The following PLSCR4 variants were observed in gnomAD, a reference collection of about 807,000 sequenced individuals.
PLSCR4 encodes phospholipid scramblase 4.
In PLSCR4, 25 loss-of-function variants were observed where a neutral mutation model predicts 36.3. The ratio of observed to expected loss-of-function variants is 0.69; its 90% confidence interval spans 0.50 to 0.96. PLSCR4 has a LOEUF of 0.96. Ranked by LOEUF, PLSCR4 falls within the 40% of genes least tolerant of loss-of-function variation. PLSCR4 has a pLI of 0.00. For missense variants in PLSCR4, 408 were observed against 414.7 expected (o/e 0.98, Z 0.14); for synonymous variants, 122 against 132.9 (o/e 0.92, Z 0.56).
intron 1 of PLSCR4, among the ~76,000 whole-genome samples, chr3:146,238,477 G>A (rs2107842037): frequency 6.6e-6 from 1 of 151,846 alleles, no homozygotes; most frequent in East Asian, 1.9e-4. Context: ...TAATAAAATG[G>A]TTTATCAAAC....
At chr3:146,233,220 G>A (rs920616598) in intron 1 of PLSCR4, among the ~76,000 whole-genome samples, 50 of 151,370 alleles carry the variant, frequency 3.3e-4, no homozygotes, top group African/African-American at 1.1e-3. Flanking sequence ...TAATTCTCTC[G>A]GCCACATACT....
At chr3:146,212,262 G>A (rs1422384137) in intron 3 of PLSCR4, among the ~76,000 whole-genome samples, 1 of 151,540 alleles carries the variant, frequency 6.6e-6, no homozygotes, top group African/African-American at 2.4e-5. Context: ...TTACTTCTGG[G>A]TATGTTATTT....
chr3:146,245,472 C>A (rs1315560717), intron 1 of PLSCR4, among the ~76,000 whole-genome samples: 1 of 151,918 alleles, frequency 6.6e-6, no homozygotes, highest in East Asian at 1.9e-4. Context: ...CTCATTTTCA[C>A]AGAAGGAATG....
At chr3:146,240,299 AT>A (rs1385307822) in intron 1 of PLSCR4, among the ~76,000 whole-genome samples, 1 of 152,164 alleles carries the variant, frequency 6.6e-6, no homozygotes, top group Non-Finnish European at 1.5e-5. Context: ...ATTAAAAAAA[AT>A]GCGGATCAAA....
chr3:146,231,768 G>C (rs1204251411), intron 1 of PLSCR4, among the ~76,000 whole-genome samples: 1 of 152,120 alleles, frequency 6.6e-6, no homozygotes, highest in African/African-American at 2.4e-5. Context: ...ACCTTTGTCA[G>C]ATGTGCAGTT....
Position 146,199,905 on chromosome 3 carries a change from C to T in PLSCR4, c.532G>A (p.Val178Ile). The stretch of plus-strand genomic sequence containing the variant: ...ATTTCTCGGCCCATACAATCAGTGA[C>T]CCGGAGGACGAAGGGCCTTAGTGTC... ...YRTLRPFVLR[V>I]TDCMGREIMT... The change falls in exon 6 of 9, where the codon GTC (valine) becomes ATC (isoleucine). Residue 178 changes from valine to isoleucine, a missense_variant. Transcript: ENST00000354952. 6.2e-7 allele frequency: 1 copy of T among 1,613,518 alleles called. No individual in the cohort carries two copies. The highest frequency in any genetic ancestry group is 1.3e-5 in the African/African-American group (1 of 74,964).
At chr3:146,242,027 G>A (rs1389000904) in intron 1 of PLSCR4, among the ~76,000 whole-genome samples, 2 of 152,154 alleles carry the variant, frequency 1.3e-5, no homozygotes, top group African/African-American at 2.4e-5. Flanking sequence ...AGCCAATGAT[G>A]GTAGTGGAGC....
intron 4 of PLSCR4, among the ~76,000 whole-genome samples, chr3:146,204,981 G>C (rs1178215823): frequency 6.6e-6 from 1 of 151,778 alleles, no homozygotes; most frequent in Non-Finnish European, 1.5e-5. Flanking sequence ...CAACTGTATT[G>C]ACTTCTATAC....
intron 1 of PLSCR4, among the ~76,000 whole-genome samples, chr3:146,222,825 G>C (rs866740681): frequency 6.6e-6 from 1 of 152,180 alleles, no homozygotes; most frequent in Non-Finnish European, 1.5e-5. Context: ...GGAGCAGTGA[G>C]GGATGGCAGC....
intron 4 of PLSCR4, among the ~76,000 whole-genome samples, chr3:146,202,457 T>G (rs932047201): frequency 1.2e-4 from 18 of 152,086 alleles, no homozygotes; most frequent in African/African-American, 4.3e-4. Context: ...TTTAAAAAAC[T>G]TTATTGCTAA....
rs1273573593 is a variant in PLSCR4 at position 146,214,323 on chromosome 3, GTT to G, written c.118+6490_118+6491del. On this transcript the variant is annotated intron_variant, in intron 3 of 8. Transcript: ENST00000354952. The stretch of plus-strand genomic sequence containing the variant: ...TTTTTAGTAGAGACGGGGTTTCACC[GTT>G]TTTTAGCCGGGATGGTCTCGATCTC... Among the ~76,000 whole-genome samples, 4 of 21,178 alleles carry G rather than the reference GTT, an allele frequency of 1.9e-4. 1 individual carries two copies. The highest frequency in any genetic ancestry group is 4.8e-4 in the Non-Finnish European group (4 of 8,408). 13.9% of individuals were successfully genotyped at this position (21,178 alleles called of 152,430 possible). A position where few individuals can be genotyped will look rare whatever the true frequency, so the allele number is the denominator to read the frequency against.
chr3:146,243,951 G>A (rs2036250714), intron 1 of PLSCR4, among the ~76,000 whole-genome samples: 1 of 152,086 alleles, frequency 6.6e-6, no homozygotes, highest in African/African-American at 2.4e-5. Context: ...TTGCTTATTG[G>A]TGGCTTTCCG....
chr3:146,195,340 T>C (rs1055417231), intron 7 of PLSCR4, 58 bp from the exon 8 acceptor site: 40 of 1,334,678 alleles, frequency 3.0e-5, no homozygotes, highest in Non-Finnish European at 4.0e-5. Context: ...CATGTTTTAA[T>C]GTTCTGCTTA....
rs968793419 is a variant in PLSCR4 at position 146,222,058 on chromosome 3, AACTT to A, written c.7+3_7+6del. 1.6e-6 allele frequency: 2 copies of A among 1,252,666 alleles called. No individual in the cohort carries two copies. Among genetic ancestry groups the A allele is most frequent in the African/African-American group, 3.1e-5 (2 of 63,984 alleles). 77.6% of individuals were successfully genotyped at this position (1,252,666 alleles called of 1,614,324 possible). A position where few individuals can be genotyped will look rare whatever the true frequency, so the allele number is the denominator to read the frequency against. On this transcript the variant is annotated splice_donor_5th_base_variant and intron_variant, in intron 2 of 8. Coordinates refer to ENST00000354952, the MANE Select transcript of PLSCR4 (RefSeq NM_020353.3). ...AAGCATATTCAAATTTATTCACAAA[AACTT>A]ACCTGACATTTTGAAGAATTCCAAT...
At chr3:146,238,028 A>G (rs2035990225) in intron 1 of PLSCR4, among the ~76,000 whole-genome samples, 1 of 151,874 alleles carries the variant, frequency 6.6e-6, no homozygotes, top group African/African-American at 2.4e-5. Flanking sequence ...CCTTACATTG[A>G]AAAGAAAAAA....
At chr3:146,198,233 C>T (rs1448162015) in intron 6 of PLSCR4, among the ~76,000 whole-genome samples, 1 of 152,050 alleles carries the variant, frequency 6.6e-6, no homozygotes, top group African/African-American at 2.4e-5. Flanking sequence ...GATGATGGAA[C>T]TGTTTGGGAT....
chr3:146,239,162 A>G (rs1184924129), intron 1 of PLSCR4, among the ~76,000 whole-genome samples: 5 of 152,222 alleles, frequency 3.3e-5, no homozygotes, highest in African/African-American at 7.2e-5. Context: ...CCCCAAATTT[A>G]TCTACAGATG....
chr3:146,234,373 A>C (rs1288580879), intron 1 of PLSCR4, among the ~76,000 whole-genome samples: 1 of 152,110 alleles, frequency 6.6e-6, no homozygotes, highest in East Asian at 1.9e-4. Flanking sequence ...GTTTTTAAAA[A>C]ATTTTTTTTA....
chr3:146,218,839 G>A (rs1019875161), intron 3 of PLSCR4, among the ~76,000 whole-genome samples: 4 of 152,058 alleles, frequency 2.6e-5, no homozygotes, highest in Non-Finnish European at 4.4e-5. Context: ...TTGAACATCA[G>A]GAAATCATGC....
Sources: allele counts gnomAD v4.1 joint callset (sites outside exome capture counted in the v4.1 genomes callset), GRCh38; gene constraint gnomAD v4.1.1; transcripts MANE v1.5; gene names NCBI Gene and HGNC (gene_info 2026-07-23, HGNC 2026-07-21).